Variants in PGM1 observed in about 807,000 individuals in gnomAD.
The protein encoded by PGM1 is phosphoglucomutase 1.
In PGM1, 52 loss-of-function variants were observed where a neutral mutation model predicts 55.6. That is an observed-to-expected ratio of 0.94 (90% CI 0.75 to 1.18). The LOEUF (loss-of-function observed/expected upper bound fraction) is 1.18. Among genes scored for constraint, PGM1 ranks in the 50% most tolerant of loss-of-function variants. The pLI is 0.00. For synonymous variants in PGM1, 287 were observed against 271.7 expected (o/e 1.06, Z -0.55); for missense variants, 724 against 729.3 (o/e 0.99, Z 0.08).
intron 1 of PGM1, among the ~76,000 whole-genome samples, chr1:63,597,931 C>G (rs1570468075): frequency 6.6e-6 from 1 of 152,250 alleles, no homozygotes; most frequent in Middle Eastern, 3.4e-3. Context: ...GGCTCCTTTG[C>G]TACTCATTTG....
At chr1:63,648,691 G>T (rs1649723351) in intron 8 of PGM1, 39 bp downstream of exon 8, 1 of 1,609,716 alleles carries the variant, frequency 6.2e-7, no homozygotes, top group Admixed American at 1.7e-5. Flanking sequence ...GTAAGGTGGG[G>T]AAGTGGGCAG....
Position 63,629,977 on chromosome 1 carries a change from C to T in PGM1, c.445C>T (p.Gln149Ter), listed in dbSNP as rs868866342. 1.2e-6 allele frequency: 2 copies of T among 1,613,986 alleles called. No homozygotes were observed. The highest frequency in any genetic ancestry group is 1.7e-6 in the Non-Finnish European group (2 of 1,179,928). The change falls in exon 3 of 11, where the codon CAA becomes TAA. Residue 149 changes from glutamine (Q) to a stop codon, truncating the protein, a stop_gained. Transcript: ENST00000371084. LOFTEE classifies it high-confidence loss of function. Reference sequence around the variant, plus strand: ...AGAAGCAATAACTGATAAAATTTTCCAAATCAGCAAGACAATTGAAGAATA... The same window carrying T: ...AGAAGCAATAACTGATAAAATTTTCTAAATCAGCAAGACAATTGAAGAATA... ...APEAITDKIF[Q>*]ISKTIEEYAV...
intron 1 of PGM1, among the ~76,000 whole-genome samples, chr1:63,617,862 G>T (rs1307533773): frequency 6.7e-6 from 1 of 149,272 alleles, no homozygotes; most frequent in African/African-American, 2.5e-5. Flanking sequence ...TGGAAATTAG[G>T]TTTCTCAGTG....
rs547294819 is a variant in PGM1 at position 63,593,436 on chromosome 1, G to A, written c.-53G>A. The A allele has an allele frequency of 6.2e-7, 1 of 1,610,124 alleles. No homozygotes were observed. Among genetic ancestry groups the A allele is most frequent in the Non-Finnish European group, 8.5e-7 (1 of 1,178,650 alleles). On this transcript the variant is annotated 5_prime_UTR_variant, in exon 1 of 11. Transcript: ENST00000371084. ...AGAGCAGCTGCAGCCTCAGCCGGCC[G>A]CCCCTCCGCCAGCCAAGTCCGCCGC...
intron 1 of PGM1, among the ~76,000 whole-genome samples, chr1:63,614,445 C>T (rs1028503005): frequency 2.0e-5 from 3 of 152,176 alleles, no homozygotes; most frequent in African/African-American, 7.2e-5. Flanking sequence ...CTGCTGCCCC[C>T]ATGAGCCACT....
chr1:63,629,732 A>G, intron 2 of PGM1, 145 bp downstream of exon 2: 1 of 946,782 alleles, frequency 1.1e-6, no homozygotes, highest in South Asian at 1.4e-5. Flanking sequence ...GTGACAGTGA[A>G]ATGCTTCTCA....
At chr1:63,636,747 A>G (rs2100989099) in intron 6 of PGM1, among the ~76,000 whole-genome samples, 1 of 152,324 alleles carries the variant, frequency 6.6e-6, no homozygotes, top group South Asian at 2.1e-4. Context: ...GGACAAACAC[A>G]CACACACACA....
chr1:63,623,236 C>G, intron 1 of PGM1: 1 of 1,383,018 alleles, frequency 7.2e-7, no homozygotes, highest in South Asian at 1.8e-5. Flanking sequence ...TGAAGACCTG[C>G]TTTGTGTGTG....
chr1:63,638,550 A>G (rs1008048921), intron 6 of PGM1, 135 bp from the exon 7 acceptor site: 6 of 739,276 alleles, frequency 8.1e-6, no homozygotes, highest in African/African-American at 6.9e-5. Flanking sequence ...TTTTCCACCA[A>G]TCTTAGAATT....
rs762915797 is a variant in PGM1 at position 63,629,924 on chromosome 1, T to C, written c.410-18T>C. ...TGAGCTGCACGAAGTAACCCACTGTTTGCTGTTTGGTTTCCAGGTCCTGCT... is the reference window on the plus strand; with the variant it reads ...TGAGCTGCACGAAGTAACCCACTGTCTGCTGTTTGGTTTCCAGGTCCTGCT... On this transcript the variant is annotated intron_variant, in intron 2 of 10. Coordinates refer to ENST00000371084, the MANE Select transcript of PGM1 (RefSeq NM_002633.3). 16 of 1,613,868 alleles carry C rather than the reference T, an allele frequency of 9.9e-6. No homozygotes were observed. In the African/African-American group the frequency reaches 1.7e-4, roughly 18 times the overall value.
At chr1:63,635,457 A>G (rs1464661938) in intron 5 of PGM1, among the ~76,000 whole-genome samples, 1 of 152,198 alleles carries the variant, frequency 6.6e-6, no homozygotes, top group African/African-American at 2.4e-5. Context: ...CTATATGAAG[A>G]TGATATTGAG....
intron 2 of PGM1, 133 bp from the exon 3 acceptor site, chr1:63,629,809 A>G: frequency 8.6e-7 from 1 of 1,156,144 alleles, no homozygotes; most frequent in Non-Finnish European, 1.3e-6. Context: ...TCTTTTAGAA[A>G]AATCCTGCTA....
intron 1 of PGM1, among the ~76,000 whole-genome samples, chr1:63,620,107 C>G (rs1439664029): frequency 6.6e-6 from 1 of 152,096 alleles, no homozygotes; most frequent in Non-Finnish European, 1.5e-5. Context: ...CAGAGCTATC[C>G]CCATTTTATA....
In PGM1 at chr1:63,635,031, T is replaced by C; in HGVS notation, c.873+12T>C. 1.2e-6 allele frequency: 2 copies of C among 1,610,604 alleles called. No individual in the cohort carries two copies. Among genetic ancestry groups the C allele is most frequent in the African/African-American group, 1.3e-5 (1 of 74,910 alleles). On this transcript the variant is annotated intron_variant, in intron 5 of 10. Transcript: ENST00000371084. ...TTGATGGAGATGGGGTGGGTATAAG[T>C]GCATTTAAGTGAACTCTGGTGCAGG...
intron 9 of PGM1, 135 bp from the exon 10 acceptor site, chr1:63,654,197 C>T: frequency 2.3e-6 from 2 of 877,778 alleles, no homozygotes; most frequent in East Asian, 2.6e-5. Flanking sequence ...GGTGCAGCTG[C>T]TGCCATTTAT....
chr1:63,657,878 C>T (rs1650007427), intron 10 of PGM1, among the ~76,000 whole-genome samples: 1 of 152,218 alleles, frequency 6.6e-6, no homozygotes, highest in Non-Finnish European at 1.5e-5. Context: ...ATTATAGACA[C>T]TTAATAGCAC....
intron 7 of PGM1, among the ~76,000 whole-genome samples, chr1:63,645,382 G>T (rs1410735227): frequency 6.7e-6 from 1 of 150,132 alleles, no homozygotes; most frequent in Non-Finnish European, 1.5e-5. Flanking sequence ...AGAGAAAAAA[G>T]AAAAAAAAAT....
At chr1:63,610,539 A>C (rs916253825) in intron 1 of PGM1, among the ~76,000 whole-genome samples, 1 of 152,140 alleles carries the variant, frequency 6.6e-6, no homozygotes, top group Admixed American at 6.6e-5. Flanking sequence ...ATCTTGGGCA[A>C]ATTGCTTGAG....
chr1:63,629,848 A>T, intron 2 of PGM1, 94 bp from the exon 3 acceptor site: 1 of 1,368,516 alleles, frequency 7.3e-7, no homozygotes, highest in Non-Finnish European at 1.0e-6. Context: ...GAAATGGTAG[A>T]TGTGCTAGTG....
Sources: allele counts gnomAD v4.1 joint callset (sites outside exome capture counted in the v4.1 genomes callset), GRCh38; gene constraint gnomAD v4.1.1; transcripts MANE v1.5; gene names NCBI Gene and HGNC (gene_info 2026-07-23, HGNC 2026-07-21).